Variants in SGCZ observed in about 807,000 individuals in gnomAD.
SGCZ encodes the protein sarcoglycan zeta, also known as zeta-sarcoglycan.
In SGCZ, 40 loss-of-function variants were observed where a neutral mutation model predicts 41.3. The ratio of observed to expected loss-of-function variants is 0.97; its 90% CI spans 0.75 to 1.26. The LOEUF is 1.26. Among genes scored for constraint, SGCZ ranks in the 50% most tolerant of loss-of-function variants. The probability of loss-of-function intolerance (pLI) is 0.00; values close to 1 mark genes in which losing one functional copy is unlikely to be tolerated. For missense variants in SGCZ, 552 were observed against 369.8 expected (o/e 1.49, Z -4.04); for synonymous variants, 206 against 137.5 (o/e 1.50, Z -3.49).
At chr8:14,552,995 C>T (rs1419973967) in intron 2 of SGCZ, among the ~76,000 whole-genome samples, 1 of 151,898 alleles carries the variant, frequency 6.6e-6, no homozygotes, top group Non-Finnish European at 1.5e-5. Context: ...GGAGAATATG[C>T]TTTACCTCTT....
At chr8:14,364,644 A>G (rs1203448748) in intron 2 of SGCZ, among the ~76,000 whole-genome samples, 1 of 152,080 alleles carries the variant, frequency 6.6e-6, no homozygotes, top group African/African-American at 2.4e-5. Flanking sequence ...GTCATTCACC[A>G]CTTAAGTTTT....
chr8:14,228,011 T>G (rs1806432398), intron 4 of SGCZ, among the ~76,000 whole-genome samples: 1 of 148,182 alleles, frequency 6.7e-6, no homozygotes, highest in South Asian at 2.1e-4. Context: ...GCCACCTCAT[T>G]TAGGAACCCT....
intron 5 of SGCZ, among the ~76,000 whole-genome samples, chr8:14,144,005 A>T (rs532743241): frequency 6.6e-6 from 1 of 152,246 alleles, no homozygotes; most frequent in South Asian, 2.1e-4. Context: ...TTCACCACCA[A>T]GGGATACAGT....
intron 3 of SGCZ, among the ~76,000 whole-genome samples, chr8:14,322,107 G>C (rs533403294): frequency 1.3e-5 from 2 of 152,192 alleles, no homozygotes; most frequent in South Asian, 4.1e-4. Context: ...AGCCACTGTG[G>C]AAGGCAGTCT....
At chr8:14,749,126 CA>C (rs1563244407) in intron 1 of SGCZ, among the ~76,000 whole-genome samples, 1 of 151,910 alleles carries the variant, frequency 6.6e-6, no homozygotes, top group Non-Finnish European at 1.5e-5. Context: ...ATTCAATTTT[CA>C]AAAAAATGCT....
chr8:14,149,275 A>G (rs1337004324), intron 5 of SGCZ, among the ~76,000 whole-genome samples: 1 of 151,948 alleles, frequency 6.6e-6, no homozygotes, highest in Non-Finnish European at 1.5e-5. Context: ...ATCTTATACT[A>G]AGAAAAACCT....
chr8:14,295,046 C>T (rs1240938495), intron 3 of SGCZ, among the ~76,000 whole-genome samples: 1 of 152,092 alleles, frequency 6.6e-6, no homozygotes, highest in Non-Finnish European at 1.5e-5. Context: ...TAACCACCTC[C>T]TATGTGACCC....
chr8:14,495,572 C>T (rs571788200), intron 2 of SGCZ, among the ~76,000 whole-genome samples: 2 of 152,178 alleles, frequency 1.3e-5, no homozygotes, highest in South Asian at 4.1e-4. Flanking sequence ...ACATTTGACC[C>T]TTTATATTAT....
chr8:14,768,540 G>A (rs1038097122), intron 1 of SGCZ, among the ~76,000 whole-genome samples: 2 of 152,218 alleles, frequency 1.3e-5, no homozygotes, highest in South Asian at 4.1e-4. Flanking sequence ...AAATTTGGAT[G>A]AAAGGAGTAA....
chr8:14,297,076 C>A (rs1212078912), intron 3 of SGCZ, among the ~76,000 whole-genome samples: 1 of 152,078 alleles, frequency 6.6e-6, no homozygotes, highest in Admixed American at 6.6e-5. Flanking sequence ...CGCACACCAG[C>A]ATGCCCAGCT....
At chr8:15,185,709 T>G (rs951849447) in intron 1 of SGCZ, among the ~76,000 whole-genome samples, 1 of 152,120 alleles carries the variant, frequency 6.6e-6, no homozygotes, top group East Asian at 1.9e-4. Flanking sequence ...GAAGACTACA[T>G]GAAGGCATAA....
At chr8:14,749,398 C>T (rs1310694856) in intron 1 of SGCZ, among the ~76,000 whole-genome samples, 2 of 152,134 alleles carry the variant, frequency 1.3e-5, no homozygotes, top group Non-Finnish European at 2.9e-5. Context: ...CTAGAACGAA[C>T]ATTCCACTGA....
chr8:14,323,535 A>C (rs1303700825), intron 3 of SGCZ, among the ~76,000 whole-genome samples: 1 of 152,124 alleles, frequency 6.6e-6, no homozygotes, highest in Non-Finnish European at 1.5e-5. Flanking sequence ...AATGAACAAA[A>C]TCTAAGCTAC....
intron 1 of SGCZ, among the ~76,000 whole-genome samples, chr8:15,180,732 A>T (rs1053348359): frequency 6.6e-6 from 1 of 151,396 alleles, no homozygotes; most frequent in Non-Finnish European, 1.5e-5. Flanking sequence ...AAAAATACAA[A>T]CAAAATTAGC....
chr8:14,463,610 G>C (rs1228394707), intron 2 of SGCZ, among the ~76,000 whole-genome samples: 1 of 151,426 alleles, frequency 6.6e-6, no homozygotes, highest in Non-Finnish European at 1.5e-5. Context: ...GATACTAAAG[G>C]CACAGACAAC....
At chr8:14,871,395 A>G (rs1038785371) in intron 1 of SGCZ, among the ~76,000 whole-genome samples, 2 of 152,142 alleles carry the variant, frequency 1.3e-5, no homozygotes, top group African/African-American at 4.8e-5. Context: ...GTATATACCC[A>G]AAGGATCATA....
intron 1 of SGCZ, among the ~76,000 whole-genome samples, chr8:14,572,283 T>C (rs1804578437): frequency 6.6e-6 from 1 of 152,164 alleles, no homozygotes; most frequent in Admixed American, 6.5e-5. Context: ...TGAAATGAAG[T>C]AATTTATTCA....
intron 1 of SGCZ, among the ~76,000 whole-genome samples, chr8:15,051,919 G>A (rs1044777016): frequency 2.0e-5 from 3 of 152,130 alleles, no homozygotes; most frequent in Non-Finnish European, 2.9e-5. Context: ...ATTTGGGCGC[G>A]CCAAAAGACT....
At chr8:14,176,116 C>A (rs1471882765) in intron 4 of SGCZ, among the ~76,000 whole-genome samples, 2 of 152,104 alleles carry the variant, frequency 1.3e-5, no homozygotes, top group Middle Eastern at 3.2e-3. Flanking sequence ...TTATAAAATG[C>A]TTTCTCAGTA....
Sources: allele counts gnomAD v4.1 joint callset (sites outside exome capture counted in the v4.1 genomes callset), GRCh38; gene constraint gnomAD v4.1.1; transcripts MANE v1.5; gene names NCBI Gene and HGNC (gene_info 2026-07-23, HGNC 2026-07-21).